TTC28: variants seen among roughly 807,000 people sequenced by gnomAD.
TTC28 encodes the protein tetratricopeptide repeat protein 28.
Under a neutral mutation model 198.0 loss-of-function variants are expected in TTC28, and 61 were observed. That is an observed-to-expected ratio of 0.31 (90% CI 0.25 to 0.38). The LOEUF is 0.38. TTC28 is among the 10% of genes least tolerant of loss of function. The probability of loss-of-function intolerance (pLI) is 1.00; values close to 1 mark genes in which losing one functional copy is unlikely to be tolerated. For synonymous variants in TTC28, 1,171 were observed against 1,297.8 expected, an observed-to-expected ratio of 0.90 and a Z score of 2.10; for missense variants, 2,678 against 3,164.0, an observed-to-expected ratio of 0.85 and a Z score of 3.69.
chr22:28,373,547 A>G (rs2046367632), intron 2 of TTC28, among the ~76,000 whole-genome samples: 1 of 152,230 alleles, frequency 6.6e-6, no homozygotes, highest in South Asian at 2.1e-4. Flanking sequence ...CACTCACTAG[A>G]TATTTTAATT....
At chr22:28,115,639 G>A (rs1160967948) in intron 6 of TTC28, among the ~76,000 whole-genome samples, 1 of 152,230 alleles carries the variant, frequency 6.6e-6, no homozygotes, top group Non-Finnish European at 1.5e-5. Flanking sequence ...ATCACCTCTG[G>A]AGAACTCTTG....
intron 2 of TTC28, among the ~76,000 whole-genome samples, chr22:28,400,228 A>G (rs2046883886): frequency 6.6e-6 from 1 of 151,740 alleles, no homozygotes; most frequent in South Asian, 2.1e-4. Context: ...TACCAAACCT[A>G]TAACCATCAT....
At chr22:28,031,238 A>G (rs1458583115) in intron 12 of TTC28, among the ~76,000 whole-genome samples, 1 of 152,160 alleles carries the variant, frequency 6.6e-6, no homozygotes, top group African/African-American at 2.4e-5. Flanking sequence ...ATCCTCCTCC[A>G]TGCCACACCA....
chr22:28,330,964 T>C (rs2045605479), intron 2 of TTC28, among the ~76,000 whole-genome samples: 1 of 152,174 alleles, frequency 6.6e-6, no homozygotes, highest in African/African-American at 2.4e-5. Context: ...ATTTTTTCCG[T>C]TTAAAAATTA....
At chr22:28,618,260 A>G (rs1196537318) in intron 2 of TTC28, among the ~76,000 whole-genome samples, 4 of 151,746 alleles carry the variant, frequency 2.6e-5, no homozygotes, top group African/African-American at 9.7e-5. Context: ...GGGCAACAAG[A>G]GCAAAAACTC....
At chr22:28,294,724 A>T (rs1340090572) in intron 5 of TTC28, among the ~76,000 whole-genome samples, 1 of 151,856 alleles carries the variant, frequency 6.6e-6, no homozygotes, top group Non-Finnish European at 1.5e-5. Context: ...ACCCGCCACC[A>T]CACCCAGCTA....
chr22:28,579,985 T>TATAC (rs2050211949), intron 2 of TTC28, among the ~76,000 whole-genome samples: 1 of 151,268 alleles, frequency 6.6e-6, no homozygotes, highest in South Asian at 2.1e-4. Context: ...AAAAAAAAAT[T>TATAC]ATACACACAC....
intron 2 of TTC28, among the ~76,000 whole-genome samples, chr22:28,614,644 T>C (rs1460223399): frequency 6.6e-6 from 1 of 152,050 alleles, no homozygotes; most frequent in Admixed American, 6.6e-5. Flanking sequence ...ATGCCACACA[T>C]CTACAGCCAT....
chr22:28,308,356 A>G (rs2045185947), intron 2 of TTC28, among the ~76,000 whole-genome samples: 1 of 152,214 alleles, frequency 6.6e-6, no homozygotes, highest in Non-Finnish European at 1.5e-5. Context: ...TATTAAAACT[A>G]AACTAAAAAT....
intron 6 of TTC28, among the ~76,000 whole-genome samples, chr22:28,143,011 G>A (rs135642): frequency 0.072 from 11,006 of 152,184 alleles, 426 homozygotes; most frequent in Non-Finnish European, 0.079. Context: ...GATAGTGGTC[G>A]CATTTTCTGT....
intron 6 of TTC28, among the ~76,000 whole-genome samples, chr22:28,120,116 T>C (rs1942745443): frequency 6.6e-6 from 1 of 152,112 alleles, no homozygotes; most frequent in Non-Finnish European, 1.5e-5. Context: ...ATAATGATAA[T>C]GATAATATAC....
At chr22:28,034,491 G>A (rs553179947) in intron 12 of TTC28, among the ~76,000 whole-genome samples, 71 of 152,238 alleles carry the variant, frequency 4.7e-4, no homozygotes, top group African/African-American at 1.7e-3. Flanking sequence ...GAAGATTCTG[G>A]CTCAGACATC....
intron 2 of TTC28, among the ~76,000 whole-genome samples, chr22:28,568,696 T>C (rs2050017069): frequency 6.6e-6 from 1 of 152,008 alleles, no homozygotes; most frequent in Admixed American, 6.5e-5. Flanking sequence ...CTGAACAAAA[T>C]TAGAGATGAT....
At chr22:28,080,394 G>A (rs1485934820) in intron 12 of TTC28, among the ~76,000 whole-genome samples, 1 of 152,142 alleles carries the variant, frequency 6.6e-6, no homozygotes, top group Non-Finnish European at 1.5e-5. Flanking sequence ...TGAGGAAAAA[G>A]GTTTCTCATT....
At chr22:28,394,004 G>C (rs1046638751) in intron 2 of TTC28, among the ~76,000 whole-genome samples, 1 of 152,148 alleles carries the variant, frequency 6.6e-6, no homozygotes, top group Non-Finnish European at 1.5e-5. Flanking sequence ...CTCCCAAGTA[G>C]CTGGGACTAC....
chr22:28,389,804 C>T (rs1006446370), intron 2 of TTC28, among the ~76,000 whole-genome samples: 11 of 150,062 alleles, frequency 7.3e-5, no homozygotes, highest in Non-Finnish European at 1.6e-4. Flanking sequence ...CTCCTGGATT[C>T]ATTAATTTTT....
At chr22:28,233,698 G>C (rs893384906) in intron 5 of TTC28, among the ~76,000 whole-genome samples, 1 of 152,092 alleles carries the variant, frequency 6.6e-6, no homozygotes, top group Non-Finnish European at 1.5e-5. Flanking sequence ...AATAGATCAC[G>C]AGTTAAATGA....
At chr22:28,540,005 C>T (rs1415472289) in intron 2 of TTC28, among the ~76,000 whole-genome samples, 4 of 141,446 alleles carry the variant, frequency 2.8e-5, no homozygotes, top group African/African-American at 5.3e-5. Context: ...AGTGCAGTGG[C>T]ACGATCTCGG....
At chr22:28,309,290 G>A (rs1002050611) in intron 2 of TTC28, among the ~76,000 whole-genome samples, 4 of 152,094 alleles carry the variant, frequency 2.6e-5, no homozygotes, top group Non-Finnish European at 4.4e-5. Context: ...TTCTATCACT[G>A]TCTCATTCAT....
Sources: gnomAD v4.1 joint callset for allele counts (sites outside exome capture counted in the v4.1 genomes callset) on GRCh38, gnomAD v4.1.1 for gene constraint, MANE v1.5 for transcripts, NCBI Gene and HGNC (gene_info 2026-07-23, HGNC 2026-07-21) for gene names.